RAB27B: variants seen among roughly 807,000 people sequenced by gnomAD.
RAB27B encodes RAB27B, member RAS oncogene family, also known as ras-related protein Rab-27B.
A neutral mutation model predicts 24.6 loss-of-function variants in RAB27B; 15 were observed. The observed-to-expected ratio is 0.61, with a 90% confidence interval of 0.41 to 0.94. The LOEUF (loss-of-function observed/expected upper bound fraction) is 0.94. Among genes scored for constraint, RAB27B ranks in the 40% least tolerant of loss-of-function variants. The pLI, the probability that RAB27B is intolerant of heterozygous loss-of-function variation, is 0.00. For synonymous variants in RAB27B, 105 were observed against 92.5 expected, an observed-to-expected ratio of 1.14 and a Z score of -0.78; for missense variants, 261 against 266.8, an observed-to-expected ratio of 0.98 and a Z score of 0.15.
chr18:54,782,959 CT>C (rs576296088), intron 2 of RAB27B, among the ~76,000 whole-genome samples: 332 of 146,632 alleles, frequency 2.3e-3, no homozygotes, highest in Middle Eastern at 6.9e-3. Flanking sequence ...CTCATAATAA[CT>C]TTTTTTTTTT....
intron 1 of RAB27B, among the ~76,000 whole-genome samples, chr18:54,859,486 CAAA>C (rs200377089): frequency 4.6e-4 from 65 of 141,132 alleles, no homozygotes; most frequent in East Asian, 2.8e-3. Context: ...TTCAATTAAC[CAAA>C]AAAAAAAAAA....
intron 1 of RAB27B, among the ~76,000 whole-genome samples, chr18:54,846,149 G>A (rs886142746): frequency 1.3e-5 from 2 of 152,154 alleles, no homozygotes; most frequent in African/African-American, 2.4e-5. Context: ...AGGCAAGCAG[G>A]CTATATGTGC....
chr18:54,877,658 T>G lies in RAB27B; in HGVS notation c.73T>G (p.Phe25Val). The G allele has an allele frequency of 6.3e-7, 1 of 1,597,196 alleles. No homozygotes were observed. The highest frequency in any genetic ancestry group is 8.5e-7 in the Non-Finnish European group (1 of 1,175,044). Reference sequence around the variant, plus strand: ...GGATTCAGGGGTGGGGAAGACAACATTTCTTTATAGATACACAGATAATAA... The same window carrying G: ...GGATTCAGGGGTGGGGAAGACAACAGTTCTTTATAGATACACAGATAATAA... The part of the protein sequence containing the change: ...LGDSGVGKTT[F>V]LYRYTDNKFN... The change falls in exon 2 of 6, where the codon TTT becomes GTT. Residue 25 changes from phenylalanine to valine, a missense_variant. By Grantham distance (50) the Phe-to-Val change is conservative. Transcript: ENST00000262094.
intron 2 of RAB27B, among the ~76,000 whole-genome samples, chr18:54,774,640 A>G (rs893150291): frequency 2.6e-5 from 4 of 152,232 alleles, no homozygotes; most frequent in Non-Finnish European, 5.9e-5. Flanking sequence ...TCTTTCATAA[A>G]CACATTCCTT....
chr18:54,876,071 A>T (rs2145268621), intron 1 of RAB27B, among the ~76,000 whole-genome samples: 1 of 152,196 alleles, frequency 6.6e-6, no homozygotes, highest in South Asian at 2.1e-4. Flanking sequence ...GTCCTCAGGA[A>T]ACTTACAATC....
intron 2 of RAB27B, among the ~76,000 whole-genome samples, chr18:54,749,972 T>A (rs979383945): frequency 2.0e-5 from 3 of 152,212 alleles, no homozygotes; most frequent in African/African-American, 7.2e-5. Context: ...CTTTTAAATA[T>A]ACCTACTGTT....
chr18:54,743,695 G>A (rs953511395), intron 2 of RAB27B, among the ~76,000 whole-genome samples: 2 of 152,158 alleles, frequency 1.3e-5, no homozygotes, highest in Non-Finnish European at 2.9e-5. Flanking sequence ...GAGGGAGAGA[G>A]GAGAGTAATA....
chr18:54,822,902 G>A (rs1487684590), intron 2 of RAB27B, among the ~76,000 whole-genome samples: 3 of 152,122 alleles, frequency 2.0e-5, no homozygotes, highest in African/African-American at 7.2e-5. Flanking sequence ...CTTTCCCACA[G>A]CATGTTCCTC....
At chr18:54,800,218 C>T (rs1203633232) in intron 2 of RAB27B, among the ~76,000 whole-genome samples, 4 of 152,308 alleles carry the variant, frequency 2.6e-5, no homozygotes, top group Admixed American at 1.3e-4. Context: ...TTATATTTAA[C>T]TATTGTAAAT....
At chr18:54,767,358 TCTAA>T (rs1348606455) in intron 2 of RAB27B, among the ~76,000 whole-genome samples, 17 of 152,110 alleles carry the variant, frequency 1.1e-4, no homozygotes, top group Admixed American at 1.1e-3. Flanking sequence ...ATACAGCTCT[TCTAA>T]CTAAGATGGT....
intron 1 of RAB27B, among the ~76,000 whole-genome samples, chr18:54,835,877 A>T (rs1247611225): frequency 6.6e-6 from 1 of 151,998 alleles, no homozygotes; most frequent in Non-Finnish European, 1.5e-5. Context: ...CTTACCTACT[A>T]GGAAAACCAA....
intron 1 of RAB27B, among the ~76,000 whole-genome samples, chr18:54,830,369 T>C (rs953321932): frequency 3.3e-5 from 5 of 152,200 alleles, no homozygotes; most frequent in African/African-American, 1.2e-4. Flanking sequence ...TTTGGTTAGG[T>C]TTTTGGGCTC....
rs559643852 is a variant in RAB27B, at chr18:54,850,179, A to T, written c.-20+21479A>T. Reference sequence around the variant, plus strand: ...TAAAAATATCTTCCTGTCTAAAAAAACATTTAACAGAGTTTGTCTAAGAAG... The same window carrying T: ...TAAAAATATCTTCCTGTCTAAAAAATCATTTAACAGAGTTTGTCTAAGAAG... On this transcript the variant is annotated intron_variant, in intron 1 of 5. Coordinates refer to ENST00000262094, the MANE Select transcript of RAB27B (RefSeq NM_004163.4). 6.6e-5 allele frequency among the ~76,000 whole-genome samples: 10 copies of T among 151,826 alleles called. No homozygotes were observed. In the East Asian group the frequency reaches 1.9e-3, roughly 29 times the overall value.
chr18:54,777,776 T>TA (rs986533907), intron 2 of RAB27B, among the ~76,000 whole-genome samples: 1 of 152,218 alleles, frequency 6.6e-6, no homozygotes, highest in African/African-American at 2.4e-5. Context: ...TATGCTGTAA[T>TA]AAAAAACAAG....
intron 2 of RAB27B, among the ~76,000 whole-genome samples, chr18:54,771,923 G>T (rs1027275549): frequency 6.6e-6 from 1 of 152,080 alleles, no homozygotes; most frequent in Non-Finnish European, 1.5e-5. Context: ...CACTACTTTA[G>T]GCAGTTAAGA....
At position 54,895,099 on chromosome 18, in the gene RAB27B, TAAA is replaced by T. The variant is rs1165104201; in HGVS notation, c.*5691_*5693del. ...ACTGATTGTATCTGAAATTATTTTTTAAAAAAATAAATTATCCTGCTTTAGTTA... is the reference window on the plus strand; with the variant it reads ...ACTGATTGTATCTGAAATTATTTTTTAAAATAAATTATCCTGCTTTAGTTA... On this transcript the variant is annotated 3_prime_UTR_variant, in exon 6 of 6. Transcript: ENST00000262094. 4 of 93,014 alleles carry T rather than the reference TAAA, an allele frequency of 4.3e-5. No individual in the cohort carries two copies. Among genetic ancestry groups the T allele is most frequent in the Non-Finnish European group, 8.8e-5 (4 of 45,346 alleles). 5.8% of individuals were successfully genotyped at this position (93,014 alleles called of 1,614,324 possible). A position where few individuals can be genotyped will look rare whatever the true frequency, so the allele number is the denominator to read the frequency against.
At chr18:54,773,962 G>T (rs1908636023) in intron 2 of RAB27B, among the ~76,000 whole-genome samples, 1 of 152,220 alleles carries the variant, frequency 6.6e-6, no homozygotes, top group Admixed American at 6.5e-5. Flanking sequence ...ACAGGCATGA[G>T]ACATCGCGCC....
At chr18:54,871,856 A>G (rs912275013) in intron 1 of RAB27B, among the ~76,000 whole-genome samples, 9 of 151,416 alleles carry the variant, frequency 5.9e-5, no homozygotes, top group African/African-American at 2.2e-4. Flanking sequence ...TCTCAAAAAA[A>G]AAAAAAAAAA....
At position 54,889,276 on chromosome 18, in the gene RAB27B, G is replaced by A. The variant is rs1335359282; in HGVS notation, c.520G>A (p.Val174Ile). 6.2e-7 allele frequency: 1 copy of A among 1,613,306 alleles called. No individual in the cohort carries two copies. The highest frequency in any genetic ancestry group is 1.7e-5 in the Admixed American group (1 of 59,984). Reference protein sequence around the residue: ...AATGQNVEKAVETLLDLIMKR... With the variant: ...AATGQNVEKAIETLLDLIMKR... Reference sequence around the variant, plus strand: ...AACTGGACAGAATGTGGAGAAAGCTGTAGAAACCCTTTTGGACTTAATCAT... The same window carrying A: ...AACTGGACAGAATGTGGAGAAAGCTATAGAAACCCTTTTGGACTTAATCAT... Residue 174 changes from valine to isoleucine, a missense_variant, in exon 6 of 6, where the codon GTA becomes ATA. Coordinates refer to ENST00000262094, the MANE Select transcript of RAB27B (RefSeq NM_004163.4).
Sources: gnomAD v4.1 joint callset for allele counts (sites outside exome capture counted in the v4.1 genomes callset) on GRCh38, gnomAD v4.1.1 for gene constraint, MANE v1.5 for transcripts, NCBI Gene and HGNC (gene_info 2026-07-23, HGNC 2026-07-21) for gene names.